CHI3L1: variants seen among roughly 807,000 people sequenced by gnomAD.
CHI3L1 encodes chitinase-3-like protein 1.
A neutral mutation model predicts 40.7 loss-of-function variants in CHI3L1; 30 were observed. That is an observed-to-expected ratio of 0.74 (90% CI 0.55 to 1.00). The LOEUF (loss-of-function observed/expected upper bound fraction) is 1.00, where lower values mean the gene tolerates loss of function less well. CHI3L1 is among the 50% of genes least tolerant of loss of function. The pLI, the probability that CHI3L1 is intolerant of heterozygous loss-of-function variation, is 0.00. For synonymous variants in CHI3L1, 210 were observed against 192.1 expected (o/e 1.09, Z -0.77); for missense variants, 493 against 492.2 (o/e 1.00, Z -0.01).
At chr1:203,182,135 A>G (rs1032300160) in intron 6 of CHI3L1, 2 of 152,858 alleles carry the variant, frequency 1.3e-5, no homozygotes, top group Non-Finnish European at 2.9e-5. Context: ...TGGGATCCTA[A>G]AGAAAGCTCT....
At chr1:203,179,674 C>T in intron 9 of CHI3L1, 87 bp downstream of exon 9, 2 of 1,613,992 alleles carry the variant, frequency 1.2e-6, no homozygotes, top group Non-Finnish European at 1.7e-6. Flanking sequence ...CAGCCCAGAC[C>T]TCAGTGCAAG....
Position 203,182,754 on chromosome 1 carries a change from G to T in CHI3L1, c.564C>A (p.Ser188Arg), listed in dbSNP as rs1202023183. 6.2e-7 allele frequency: 1 copy of T among 1,614,142 alleles called. No homozygotes were observed. The highest frequency in any genetic ancestry group is 2.2e-5 in the East Asian group (1 of 44,888). The stretch of plus-strand genomic sequence containing the variant: ...ACTGGGATATCTTGGCAATGTCATA[G>T]CTGCTGTCAATGGTGACCTTCCCCG... ...LSAGKVTIDS[S>R]YDIAKISQHL... Residue 188 changes from serine to arginine, a missense_variant, in exon 6 of 10, where the codon AGC becomes AGA. Coordinates refer to ENST00000255409, the MANE Select transcript of CHI3L1 (RefSeq NM_001276.4).
chr1:203,185,166 G>A lies in CHI3L1; in HGVS notation c.257+18C>T. 1 of 1,611,806 alleles carries A rather than the reference G, an allele frequency of 6.2e-7. No individual in the cohort carries two copies. ...CAGCCCAGCTGGTCCCTCCTCTCCT[G>A]GCCAGCCCTGGCCCAACCTGTTCTT... On this transcript the variant is annotated intron_variant, in intron 3 of 9. Coordinates refer to ENST00000255409, the MANE Select transcript of CHI3L1 (RefSeq NM_001276.4).
chr1:203,186,519 C>T, intron 1 of CHI3L1, 80 bp downstream of exon 1: 1 of 1,593,530 alleles, frequency 6.3e-7, no homozygotes, highest in East Asian at 2.2e-5. Context: ...GTCCCTCACC[C>T]AGCAGGCAGA....
chr1:203,181,324 T>C, intron 6 of CHI3L1, 39 bp from the exon 7 acceptor site: 1 of 1,608,000 alleles, frequency 6.2e-7, no homozygotes, highest in Non-Finnish European at 8.5e-7. Context: ...CAGGAAATTA[T>C]TAATAGAAAA....
intron 9 of CHI3L1, 45 bp downstream of exon 9, chr1:203,179,716 T>C: frequency 6.2e-7 from 1 of 1,614,156 alleles, no homozygotes; most frequent in Non-Finnish European, 8.5e-7. Flanking sequence ...GAGCGGGGCC[T>C]CCTTCTTTCT....
intron 4 of CHI3L1, 83 bp from the exon 5 acceptor site, chr1:203,183,874 C>A: frequency 6.7e-7 from 1 of 1,496,646 alleles, no homozygotes. Flanking sequence ...CCAGGACCTG[C>A]AGAGCTGGGA....
rs114943381 is a variant in CHI3L1 at position 203,179,040 on chromosome 1, G to A, written c.*405C>T. 0.011 allele frequency: 1,758 copies of A among 162,576 alleles called. 37 individuals carry two copies. Among genetic ancestry groups the A allele is most frequent in the African/African-American group, 0.039 (1,632 of 41,806 alleles). The allele number at this position is 162,576 out of a possible 1,614,324, so 10.1% of individuals were successfully genotyped here. ...GAAGGTTTCAAGCTGGGCTTTGCAG[G>A]GGGTATAATTAGTATGGTCACTGTG... is the stretch of plus-strand genomic sequence containing the variant. On this transcript the variant is annotated 3_prime_UTR_variant, in exon 10 of 10. Coordinates refer to ENST00000255409, the MANE Select transcript of CHI3L1 (RefSeq NM_001276.4).
At position 203,179,284 on chromosome 1, in the gene CHI3L1, G is replaced by A. The variant is rs947622493; in HGVS notation, c.*161C>T. The A allele has an allele frequency of 9.9e-6, 6 of 603,724 alleles. No individual in the cohort carries two copies. Among genetic ancestry groups the A allele is most frequent in the Non-Finnish European group, 1.4e-5 (5 of 353,902 alleles). 37.4% of individuals were successfully genotyped at this position (603,724 alleles called of 1,614,324 possible). ...CCCTACCTCTCTGCCCACCAGGGCT[G>A]AGCTCAAATCTGTGTGTTGTGGACC... On this transcript the variant is annotated 3_prime_UTR_variant, in exon 10 of 10. Coordinates refer to ENST00000255409, the MANE Select transcript of CHI3L1 (RefSeq NM_001276.4).
intron 9 of CHI3L1, 47 bp from the exon 10 acceptor site, chr1:203,179,632 AGTGT>A (rs1207146262): frequency 1.2e-6 from 2 of 1,613,718 alleles, no homozygotes; most frequent in East Asian, 4.5e-5. Flanking sequence ...CCTGACCCAG[AGTGT>A]GTACAGGGCA....
chr1:203,183,571 G>A (rs1021566653), intron 5 of CHI3L1, 70 bp downstream of exon 5: 10 of 1,538,096 alleles, frequency 6.5e-6, no homozygotes, highest in Non-Finnish European at 8.1e-6. Context: ...AGCAGCTGAC[G>A]CCGGCTTCTA....
At position 203,181,459 on chromosome 1, in the gene CHI3L1, C is replaced by CT; in HGVS notation, c.588-175dup. On this transcript the variant is annotated intron_variant, in intron 6 of 9. Transcript: ENST00000255409. ...AAGATGGTGAAACCCCGTCTCTACT[C>CT]TAACTACGAAAATTAGCCAGGCATG... is the stretch of plus-strand genomic sequence containing the variant. 3 of 544,886 alleles carry CT rather than the reference C, an allele frequency of 5.5e-6. No homozygotes were observed. In the South Asian group the frequency reaches 6.8e-5, roughly 12 times the overall value. 33.8% of individuals were successfully genotyped at this position (544,886 alleles called of 1,614,324 possible). A position where few individuals can be genotyped will look rare whatever the true frequency, so the allele number is the denominator to read the frequency against.
At chr1:203,181,931 C>G (rs940460225) in intron 6 of CHI3L1, 1 of 152,414 alleles carries the variant, frequency 6.6e-6, no homozygotes, top group Non-Finnish European at 1.5e-5. Flanking sequence ...GACAGCCTGG[C>G]GGGGAAAGAG....
At position 203,179,393 on chromosome 1, in the gene CHI3L1, C is replaced by A. The variant is rs1003019596; in HGVS notation, c.*52G>T. ...TGATCAGGCTCCCGGCCAGCTGGAG[C>A]CAGAGGGGGACGGGGCATCCTTGGC... On this transcript the variant is annotated 3_prime_UTR_variant, in exon 10 of 10. Transcript: ENST00000255409. The A allele has an allele frequency of 1.3e-6, 2 of 1,483,854 alleles. No individual in the cohort carries two copies. Among genetic ancestry groups the A allele is most frequent in the Non-Finnish European group, 1.8e-6 (2 of 1,105,766 alleles). 91.9% of individuals were successfully genotyped at this position (1,483,854 alleles called of 1,614,324 possible).
rs1049452 is a variant in CHI3L1 at position 203,179,133 on chromosome 1, G to C, written c.*312C>G. On this transcript the variant is annotated 3_prime_UTR_variant, in exon 10 of 10. Coordinates refer to ENST00000255409, the MANE Select transcript of CHI3L1 (RefSeq NM_001276.4). ...ATGGTGTCCTTTGATAAGGAGGGCT[G>C]GGGGGCAGGGAGTTGAAGAAATTCC... The C allele has an allele frequency of 4.3e-6, 1 of 234,204 alleles. No individual in the cohort carries two copies. The highest frequency in any genetic ancestry group is 2.3e-5 in the African/African-American group (1 of 44,288). The allele number at this position is 234,204 out of a possible 1,614,324, so 14.5% of individuals were successfully genotyped here.
chr1:203,184,604 C>T lies in CHI3L1; in HGVS notation c.286G>A (p.Val96Ile). Reference sequence around the variant, plus strand: ...TGAGACCCAAAGTTCCATCCTCCGACAGACAAGAGAGTCTTCAGGTTGGGG... The same window carrying T: ...TGAGACCCAAAGTTCCATCCTCCGATAGACAAGAGAGTCTTCAGGTTGGGG... ...RNPNLKTLLS[V>I]GGWNFGSQRF... The change falls in exon 4 of 10, where the codon GTC (valine) becomes ATC (isoleucine). Residue 96 changes from valine to isoleucine, a missense_variant. Coordinates refer to ENST00000255409, the MANE Select transcript of CHI3L1 (RefSeq NM_001276.4). 1 of 1,614,092 alleles carries T rather than the reference C, an allele frequency of 6.2e-7. No homozygotes were observed. The highest frequency in any genetic ancestry group is 2.2e-5 in the East Asian group (1 of 44,878).
In CHI3L1 at chr1:203,179,255, C is replaced by T; in HGVS notation, c.*190G>A. The T allele has an allele frequency of 2.0e-6, 1 of 505,468 alleles. No homozygotes were observed. The highest frequency in any genetic ancestry group is 3.5e-6 in the Non-Finnish European group (1 of 287,036). 31.3% of individuals were successfully genotyped at this position (505,468 alleles called of 1,614,324 possible). A position where few individuals can be genotyped will look rare whatever the true frequency, so the allele number is the denominator to read the frequency against. On this transcript the variant is annotated 3_prime_UTR_variant, in exon 10 of 10. Coordinates refer to ENST00000255409, the MANE Select transcript of CHI3L1 (RefSeq NM_001276.4). The stretch of plus-strand genomic sequence containing the variant: ...GCGATGCCTCACTATCCCCACAGCC[C>T]CATCCCTACCTCTCTGCCCACCAGG...
At chr1:203,184,685 C>T in intron 3 of CHI3L1, 53 bp from the exon 4 acceptor site, 3 of 1,509,694 alleles carry the variant, frequency 2.0e-6, no homozygotes, top group Non-Finnish European at 2.8e-6. Flanking sequence ...ATTGTCATGA[C>T]ACTGGGTGGC....
In CHI3L1 at chr1:203,183,653, G is replaced by A. The variant is rs1325390730; in HGVS notation, c.453C>T (p.Thr151=). ...YPGRRDKQHF[T]TLIKEMKAEF... ...ACCTGACCAGCACCTTGATTAGGGT[G>A]GTAAAATGCTGTTTGTCTCTCCGTC... is the stretch of plus-strand genomic sequence containing the variant. The change falls in exon 5 of 10, where the codon ACC becomes ACT. Residue 151 remains threonine (T), a synonymous_variant. Coordinates refer to ENST00000255409, the MANE Select transcript of CHI3L1 (RefSeq NM_001276.4). 1 of 1,614,134 alleles carries A rather than the reference G, an allele frequency of 6.2e-7. No individual in the cohort carries two copies. Among genetic ancestry groups the A allele is most frequent in the East Asian group, 2.2e-5 (1 of 44,884 alleles).
Sources: allele counts gnomAD v4.1 joint callset, GRCh38; gene constraint gnomAD v4.1.1; transcripts MANE v1.5; gene names NCBI Gene and HGNC (gene_info 2026-07-23, HGNC 2026-07-21).